Variants in ZCCHC7 observed in about 807,000 individuals in gnomAD.
The protein encoded by ZCCHC7 is zinc finger CCHC-type containing 7.
A neutral mutation model predicts 52.0 loss-of-function variants in ZCCHC7; 35 were observed. The ratio of observed to expected loss-of-function variants is 0.67; its 90% CI spans 0.51 to 0.89. ZCCHC7 has a LOEUF of 0.89. Among genes scored for constraint, ZCCHC7 ranks in the 40% least tolerant of loss-of-function variants. ZCCHC7 has a pLI of 0.00. For missense variants in ZCCHC7, 574 were observed against 649.1 expected (o/e 0.88, Z 1.26); for synonymous variants, 217 against 221.5 (o/e 0.98, Z 0.18).
chr9:37,223,427 A>C (rs914236828), intron 2 of ZCCHC7, among the ~76,000 whole-genome samples: 4 of 152,178 alleles, frequency 2.6e-5, no homozygotes, highest in African/African-American at 9.6e-5. Context: ...ACATAAATGA[A>C]ATATCTTGAA....
intron 6 of ZCCHC7, among the ~76,000 whole-genome samples, chr9:37,340,180 G>A (rs186055404): frequency 8.1e-4 from 123 of 152,246 alleles, no homozygotes; most frequent in African/African-American, 2.7e-3. Flanking sequence ...GCATCGGGCT[G>A]CACTTTGAGG....
intron 6 of ZCCHC7, among the ~76,000 whole-genome samples, chr9:37,348,488 T>C (rs2118595883): frequency 6.6e-6 from 1 of 152,168 alleles, no homozygotes; most frequent in South Asian, 2.1e-4. Flanking sequence ...CAAGCGATTC[T>C]CCTGCCTCAG....
intron 2 of ZCCHC7, among the ~76,000 whole-genome samples, chr9:37,204,616 T>C (rs1322357205): frequency 6.6e-6 from 1 of 152,200 alleles, no homozygotes; most frequent in Non-Finnish European, 1.5e-5. Flanking sequence ...CAGATGGTTG[T>C]AGATGTGTGG....
At chr9:37,150,770 GAA>G (rs1402180497) in intron 2 of ZCCHC7, among the ~76,000 whole-genome samples, 2 of 152,074 alleles carry the variant, frequency 1.3e-5, no homozygotes, top group Non-Finnish European at 2.9e-5. Flanking sequence ...TAATGTCTAT[GAA>G]GTTTGTTTTA....
At chr9:37,128,159 G>A (rs547716284) in intron 2 of ZCCHC7, among the ~76,000 whole-genome samples, 2 of 152,322 alleles carry the variant, frequency 1.3e-5, no homozygotes, top group Admixed American at 1.3e-4. Flanking sequence ...CTGTTTGATG[G>A]ATTGGGTTGG....
chr9:37,335,925 A>T (rs531853949), intron 6 of ZCCHC7, among the ~76,000 whole-genome samples: 1 of 152,298 alleles, frequency 6.6e-6, no homozygotes, highest in South Asian at 2.1e-4. Context: ...TAACTTCAGT[A>T]CCATCTGAAT....
At chr9:37,323,303 A>G (rs1264990737) in intron 5 of ZCCHC7, among the ~76,000 whole-genome samples, 1 of 152,222 alleles carries the variant, frequency 6.6e-6, no homozygotes, top group Non-Finnish European at 1.5e-5. Context: ...TAATCTACTG[A>G]TAAACTTTGT....
intron 2 of ZCCHC7, among the ~76,000 whole-genome samples, chr9:37,274,021 A>G (rs75338038): frequency 0.051 from 7,742 of 152,256 alleles, 645 homozygotes; most frequent in African/African-American, 0.17. Flanking sequence ...AAAAATAAAA[A>G]TGGTACTCTT....
At chr9:37,329,593 A>C (rs973363638) in intron 6 of ZCCHC7, among the ~76,000 whole-genome samples, 7 of 151,906 alleles carry the variant, frequency 4.6e-5, no homozygotes, top group African/African-American at 1.7e-4. Context: ...ATATAAAACT[A>C]GCATGTTTAT....
At chr9:37,218,632 A>T (rs1824641718) in intron 2 of ZCCHC7, among the ~76,000 whole-genome samples, 3 of 152,080 alleles carry the variant, frequency 2.0e-5, no homozygotes, top group African/African-American at 7.2e-5. Context: ...AACATGGTGA[A>T]ACCCTGTCTC....
chr9:37,315,572 C>A (rs10814519), intron 5 of ZCCHC7, among the ~76,000 whole-genome samples: 84,525 of 151,406 alleles, frequency 0.56, 23,822 homozygotes, highest in African/African-American at 0.63. Context: ...ATGGATATTA[C>A]CAGAAAAATA....
At chr9:37,309,281 G>A (rs554432799) in intron 5 of ZCCHC7, among the ~76,000 whole-genome samples, 2 of 152,134 alleles carry the variant, frequency 1.3e-5, no homozygotes, top group South Asian at 4.1e-4. Context: ...TCACATGGAA[G>A]CCGAGTCATT....
At chr9:37,121,488 A>AT (rs1842314765) in intron 1 of ZCCHC7, 1 of 151,952 alleles carries the variant, frequency 6.6e-6, no homozygotes, top group Admixed American at 6.6e-5. Context: ...TCTTTTTAAA[A>AT]TTTTTTCTAG....
intron 2 of ZCCHC7, among the ~76,000 whole-genome samples, chr9:37,207,382 T>TG (rs1823974475): frequency 6.6e-6 from 1 of 152,150 alleles, no homozygotes; most frequent in Non-Finnish European, 1.5e-5. Flanking sequence ...TTCTCTGCCT[T>TG]CTTTCAAGAT....
chr9:37,330,382 G>A (rs1272380885), intron 6 of ZCCHC7, among the ~76,000 whole-genome samples: 1 of 151,470 alleles, frequency 6.6e-6, no homozygotes, highest in Non-Finnish European at 1.5e-5. Flanking sequence ...ATTAATAAAA[G>A]CTAAAGACCA....
At chr9:37,296,869 T>C (rs1192906062) in intron 2 of ZCCHC7, among the ~76,000 whole-genome samples, 1 of 141,280 alleles carries the variant, frequency 7.1e-6, no homozygotes, top group African/African-American at 2.6e-5. Flanking sequence ...TGCACCACCA[T>C]ACCTGGCTAG....
intron 2 of ZCCHC7, among the ~76,000 whole-genome samples, chr9:37,149,867 T>C (rs1843606270): frequency 6.6e-6 from 1 of 152,204 alleles, no homozygotes. Context: ...CATTTCTCAT[T>C]TCCTGTGCAC....
chr9:37,263,432 T>G (rs527399011), intron 2 of ZCCHC7, among the ~76,000 whole-genome samples: 35 of 152,282 alleles, frequency 2.3e-4, no homozygotes, highest in African/African-American at 8.4e-4. Flanking sequence ...TGTACCTTGC[T>G]ACTAGTTGCT....
At chr9:37,204,960 T>C (rs1414244777) in intron 2 of ZCCHC7, among the ~76,000 whole-genome samples, 1 of 152,210 alleles carries the variant, frequency 6.6e-6, no homozygotes, top group African/African-American at 2.4e-5. Flanking sequence ...CCAAAGGTCA[T>C]GTGTTAGAAA....
Sources: gnomAD v4.1 joint callset for allele counts (sites outside exome capture counted in the v4.1 genomes callset) on GRCh38, gnomAD v4.1.1 for gene constraint, MANE v1.5 for transcripts, NCBI Gene and HGNC (gene_info 2026-07-23, HGNC 2026-07-21) for gene names.